The following MYO3B variants were observed in gnomAD, a reference collection of about 807,000 sequenced individuals.
MYO3B encodes myosin-IIIb.
A neutral mutation model predicts 174.6 loss-of-function variants in MYO3B; 156 were observed. That is an observed-to-expected ratio of 0.89 (90% CI 0.78 to 1.02). MYO3B has a LOEUF of 1.02. MYO3B is among the 50% of genes least tolerant of loss of function. The pLI is 0.00. For missense variants in MYO3B, 1,632 were observed against 1,639.4 expected, an observed-to-expected ratio of 1.00 and a Z score of 0.08; for synonymous variants, 563 against 569.1, an observed-to-expected ratio of 0.99 and a Z score of 0.15.
intron 22 of MYO3B, among the ~76,000 whole-genome samples, chr2:170,414,933 G>A (rs1049231915): frequency 2.0e-5 from 3 of 152,138 alleles, no homozygotes; most frequent in African/African-American, 7.2e-5. Context: ...TCACAACCTT[G>A]CTAAACTTAC....
In MYO3B at chr2:170,405,553, G is replaced by A. The variant is rs1244025601; in HGVS notation, c.2440G>A (p.Glu814Lys). ...ATDQTLVDKF[E>K]DNLRCKYFWR... ...CATAAAAATCCACACAGATAAATTTGAAGATAATCTACGATGCAAATACTT... is the reference window on the plus strand; with the variant it reads ...CATAAAAATCCACACAGATAAATTTAAAGATAATCTACGATGCAAATACTT... The change falls in exon 21 of 35, where the codon GAA becomes AAA. Residue 814 changes from glutamate (E) to lysine (K), a missense_variant. By Grantham distance (56) the Glu-to-Lys change is moderately conservative (BLOSUM62 1). Coordinates refer to ENST00000408978, the MANE Select transcript of MYO3B (RefSeq NM_138995.5). The A allele has an allele frequency of 1.2e-6, 2 of 1,613,952 alleles. No homozygotes were observed. Among genetic ancestry groups the A allele is most frequent in the Non-Finnish European group, 1.7e-6 (2 of 1,179,958 alleles).
chr2:170,374,235 G>A (rs939104825), intron 9 of MYO3B, among the ~76,000 whole-genome samples: 13 of 152,152 alleles, frequency 8.5e-5, no homozygotes, highest in Non-Finnish European at 4.4e-5. Context: ...AGGAAGCAAG[G>A]GAATCGAGGT....
intron 8 of MYO3B, among the ~76,000 whole-genome samples, chr2:170,357,358 A>G (rs150152280): frequency 6.8e-6 from 1 of 146,840 alleles, no homozygotes; most frequent in South Asian, 2.1e-4. Flanking sequence ...TATATTTTAT[A>G]TATTATATAT....
intron 25 of MYO3B, among the ~76,000 whole-genome samples, chr2:170,489,653 G>GTA: frequency 1.3e-5 from 2 of 148,968 alleles, no homozygotes; most frequent in South Asian, 4.2e-4. Flanking sequence ...GTGTGTGTGT[G>GTA]TGTGTGTGTG....
Position 170,653,857 on chromosome 2 carries a change from T to G in MYO3B, c.*736T>G, listed in dbSNP as rs906431444. ...GAGAGGGAAAGTTTGGACCTGTCAC[T>G]TTGGTGACAGGGAAAGTCCAGGTCA... is the stretch of plus-strand genomic sequence containing the variant. On this transcript the variant is annotated 3_prime_UTR_variant, in exon 35 of 35. Coordinates refer to ENST00000408978, the MANE Select transcript of MYO3B (RefSeq NM_138995.5). 6.6e-6 allele frequency: 1 copy of G among 152,150 alleles called. No individual in the cohort carries two copies. The highest frequency in any genetic ancestry group is 1.5e-5 in the Non-Finnish European group (1 of 68,028). The allele number at this position is 152,150 out of a possible 1,614,324, so 9.4% of individuals were successfully genotyped here.
intron 29 of MYO3B, among the ~76,000 whole-genome samples, chr2:170,518,142 G>T (rs1425063570): frequency 6.6e-6 from 1 of 152,044 alleles, no homozygotes. Flanking sequence ...TTCCACACAA[G>T]AAATATTTAT....
intron 1 of MYO3B, among the ~76,000 whole-genome samples, chr2:170,185,119 G>A (rs1172375042): frequency 2.6e-5 from 4 of 151,992 alleles, no homozygotes; most frequent in African/African-American, 4.8e-5. Flanking sequence ...CTCTCATTCT[G>A]TGGGTTGTCT....
Position 170,195,468 on chromosome 2 carries a change from T to C in MYO3B, c.3-3740T>C, listed in dbSNP as rs72884077. Among the ~76,000 whole-genome samples the C allele has an allele frequency of 2.8e-3, 426 of 151,938 alleles. 2 individuals carry two copies. Among genetic ancestry groups the C allele is most frequent in the South Asian group, 5.0e-3 (24 of 4,784 alleles). On this transcript the variant is annotated intron_variant, in intron 1 of 34. Coordinates refer to ENST00000408978, the MANE Select transcript of MYO3B (RefSeq NM_138995.5). ...GCCAAGCTTCAGGGGAAGATCATCT[T>C]CCCACCCCATCCCCATCCATCCCAC... is the stretch of plus-strand genomic sequence containing the variant.
chr2:170,193,113 TTG>T (rs1003090954), intron 1 of MYO3B, among the ~76,000 whole-genome samples: 12 of 152,086 alleles, frequency 7.9e-5, no homozygotes, highest in African/African-American at 2.4e-4. Context: ...TTTACTATTA[TTG>T]TGTTTTGTCT....
At chr2:170,397,471 G>C (rs2094448111) in intron 16 of MYO3B, among the ~76,000 whole-genome samples, 1 of 151,954 alleles carries the variant, frequency 6.6e-6, no homozygotes, top group East Asian at 1.9e-4. Context: ...AATTTTCCTG[G>C]CTATATATTT....
chr2:170,599,267 A>G (rs1344188745), intron 32 of MYO3B, among the ~76,000 whole-genome samples: 2 of 152,126 alleles, frequency 1.3e-5, no homozygotes, highest in Non-Finnish European at 2.9e-5. Context: ...CCATTTGACA[A>G]TACTCCAGGC....
chr2:170,386,864 T>C (rs2094379482), intron 13 of MYO3B, among the ~76,000 whole-genome samples: 1 of 152,266 alleles, frequency 6.6e-6, no homozygotes, highest in Admixed American at 6.5e-5. Flanking sequence ...GTCAAGGATT[T>C]TAAATGAAAT....
At chr2:170,651,356 A>G (rs7600747) in intron 32 of MYO3B, among the ~76,000 whole-genome samples, 25,917 of 152,180 alleles carry the variant, frequency 0.17, 2,319 homozygotes, top group African/African-American at 0.22. Flanking sequence ...TACTTCACCA[A>G]TGTGGAAACA....
intron 7 of MYO3B, among the ~76,000 whole-genome samples, chr2:170,321,644 A>G (rs2093827153): frequency 6.6e-6 from 1 of 152,156 alleles, no homozygotes; most frequent in Admixed American, 6.6e-5. Flanking sequence ...GTGAAGTGAG[A>G]GAGATTACAG....
At chr2:170,391,416 C>G in intron 14 of MYO3B, 104 bp from the exon 15 acceptor site, 1 of 560,990 alleles carries the variant, frequency 1.8e-6, no homozygotes, top group African/African-American at 2.0e-5. Context: ...CCTGAAAATA[C>G]AAATTTGCCA....
At chr2:170,614,465 A>C (rs544972842) in intron 32 of MYO3B, among the ~76,000 whole-genome samples, 4 of 152,164 alleles carry the variant, frequency 2.6e-5, no homozygotes, top group African/African-American at 9.6e-5. Flanking sequence ...CAAATGTTAA[A>C]TCCAGCTGCA....
intron 32 of MYO3B, among the ~76,000 whole-genome samples, chr2:170,643,034 G>GA (rs397726002): frequency 0.11 from 14,664 of 139,266 alleles, 2,198 homozygotes; most frequent in African/African-American, 0.34. Context: ...AAAGAGATTT[G>GA]AAAAAAAAAA....
intron 1 of MYO3B, among the ~76,000 whole-genome samples, chr2:170,193,124 C>T (rs2113654): frequency 0.51 from 77,997 of 151,492 alleles, 20,964 homozygotes; most frequent in East Asian, 0.84. Context: ...TGTGTTTTGT[C>T]TATTTCTTCT....
intron 7 of MYO3B, among the ~76,000 whole-genome samples, chr2:170,253,073 T>C (rs1222959131): frequency 6.6e-6 from 1 of 152,166 alleles, no homozygotes; most frequent in Non-Finnish European, 1.5e-5. Flanking sequence ...ATGAATTAGC[T>C]TCTGTTTTAA....
Sources: allele counts gnomAD v4.1 joint callset (sites outside exome capture counted in the v4.1 genomes callset), GRCh38; gene constraint gnomAD v4.1.1; transcripts MANE v1.5; gene names NCBI Gene and HGNC (gene_info 2026-07-23, HGNC 2026-07-21).